Variants in ITIH2 observed in about 807,000 individuals in gnomAD.
ITIH2 encodes inter-alpha-trypsin inhibitor heavy chain 2.
In ITIH2, 103 loss-of-function variants were observed where a neutral mutation model predicts 104.4. That is an observed-to-expected ratio of 0.99 (90% confidence interval 0.84 to 1.16). The LOEUF is 1.16. Among genes scored for constraint, ITIH2 ranks in the 50% most tolerant of loss-of-function variants. The probability of loss-of-function intolerance (pLI) is 0.00; values close to 1 mark genes in which losing one functional copy is unlikely to be tolerated. For synonymous variants in ITIH2, 436 were observed against 435.4 expected, an observed-to-expected ratio of 1.00 and a Z score of -0.02; for missense variants, 1,108 against 1,162.4, an observed-to-expected ratio of 0.95 and a Z score of 0.68.
At chr10:7,713,068 TG>T (rs1834812369) in intron 4 of ITIH2, 112 bp from the exon 5 acceptor site, 1 of 747,488 alleles carries the variant, frequency 1.3e-6, no homozygotes. Context: ...TGCACTGAAC[TG>T]AGATTGCACC....
intron 14 of ITIH2, among the ~76,000 whole-genome samples, chr10:7,734,519 A>G (rs1454465865): frequency 6.6e-6 from 1 of 152,190 alleles, no homozygotes; most frequent in Non-Finnish European, 1.5e-5. Flanking sequence ...ACATGGCAAA[A>G]GCCCATCTCT....
chr10:7,712,747 T>C (rs1293790455), intron 4 of ITIH2, among the ~76,000 whole-genome samples: 1 of 152,240 alleles, frequency 6.6e-6, no homozygotes, highest in Non-Finnish European at 1.5e-5. Context: ...TTATTTCTTA[T>C]AGACACAAAA....
Position 7,734,918 on chromosome 10 carries a change from A to G in ITIH2, c.1788-4A>G. ...TCCATAACACCTCTACTTCTTGAAT[A>G]CAGAAGCCTGGCTCCTACAGCTGCC... On this transcript the variant is annotated splice_region_variant and splice_polypyrimidine_tract_variant and intron_variant, in intron 14 of 20. Transcript: ENST00000358415. 1.2e-6 allele frequency: 2 copies of G among 1,608,882 alleles called. No homozygotes were observed. Among genetic ancestry groups the G allele is most frequent in the Non-Finnish European group, 1.7e-6 (2 of 1,178,946 alleles).
At chr10:7,708,322 A>G (rs1412399688) in intron 3 of ITIH2, among the ~76,000 whole-genome samples, 3 of 152,176 alleles carry the variant, frequency 2.0e-5, no homozygotes, top group Non-Finnish European at 2.9e-5. Context: ...CTTTGAGCAC[A>G]CTTACATATG....
In ITIH2 at chr10:7,724,431, G is replaced by A. The variant is rs376845861; in HGVS notation, c.984+864G>A. ...ACTAAAAATACAAAATTAGCCAGGC[G>A]TGGTGGTGCATGCCTGTAATCCCAG... On this transcript the variant is annotated intron_variant, in intron 9 of 20. Transcript: ENST00000358415. 5.2e-4 allele frequency among the ~76,000 whole-genome samples: 79 copies of A among 152,008 alleles called. No homozygotes were observed. In the East Asian group the frequency reaches 0.01, roughly 19 times the overall value.
At chr10:7,711,081 C>T (rs894323055) in intron 4 of ITIH2, among the ~76,000 whole-genome samples, 1 of 152,104 alleles carries the variant, frequency 6.6e-6, no homozygotes, top group Non-Finnish European at 1.5e-5. Flanking sequence ...TAATGCTCTC[C>T]CTCCCCTTGC....
chr10:7,728,429 G>A (rs1834970661), intron 11 of ITIH2, among the ~76,000 whole-genome samples: 1 of 152,022 alleles, frequency 6.6e-6, no homozygotes, highest in South Asian at 2.1e-4. Context: ...TCACCCAGGA[G>A]GGAGTGCAGT....
At chr10:7,718,853 C>T (rs1000625357) in intron 6 of ITIH2, among the ~76,000 whole-genome samples, 3 of 152,182 alleles carry the variant, frequency 2.0e-5, no homozygotes, top group African/African-American at 7.2e-5. Flanking sequence ...TCTTCCCTGC[C>T]ACCCCAGCCA....
intron 19 of ITIH2, among the ~76,000 whole-genome samples, chr10:7,745,983 A>G (rs1588462752): frequency 7.0e-6 from 1 of 142,684 alleles, no homozygotes. Flanking sequence ...CAAACTCCCA[A>G]CCTCAGGTGA....
At chr10:7,732,719 TTTTA>T (rs530908379) in intron 14 of ITIH2, among the ~76,000 whole-genome samples, 5 of 152,098 alleles carry the variant, frequency 3.3e-5, no homozygotes, top group African/African-American at 1.2e-4. Flanking sequence ...TTAATTTTTA[TTTTA>T]TTTATTTATT....
At position 7,748,929 on chromosome 10, in the gene ITIH2, T is replaced by C. The variant is rs117213805; in HGVS notation, c.2694-258T>C. Reference sequence around the variant, plus strand: ...CTGCCTTCTTTCCATTGGCTACTGTTTCCCTCGCTGGAAAAGCCCATATAG... The same window carrying C: ...CTGCCTTCTTTCCATTGGCTACTGTCTCCCTCGCTGGAAAAGCCCATATAG... On this transcript the variant is annotated intron_variant, in intron 20 of 20. Transcript: ENST00000358415. Among the ~76,000 whole-genome samples the C allele has an allele frequency of 7.9e-4, 120 of 152,196 alleles. 1 individual carries two copies. The East Asian group carries it at 0.018, about 23-fold the overall frequency.
chr10:7,734,123 C>T (rs1337046101), intron 14 of ITIH2, among the ~76,000 whole-genome samples: 5 of 152,102 alleles, frequency 3.3e-5, no homozygotes, highest in African/African-American at 1.2e-4. Context: ...CTATATGATA[C>T]TCCAATGGTG....
At chr10:7,723,237 G>T (rs1234281026) in intron 8 of ITIH2, among the ~76,000 whole-genome samples, 1 of 151,968 alleles carries the variant, frequency 6.6e-6, no homozygotes, top group East Asian at 1.9e-4. Flanking sequence ...AAGCAGCGTG[G>T]AGTGGAGTGG....
At chr10:7,703,993 C>G (rs935844929) in intron 1 of ITIH2, among the ~76,000 whole-genome samples, 2 of 152,196 alleles carry the variant, frequency 1.3e-5, no homozygotes, top group African/African-American at 2.4e-5. Flanking sequence ...TCTAAGTGAA[C>G]AGTGATATTT....
rs1346853621 is a variant in ITIH2, at chr10:7,744,521, A to G, written c.2408+241A>G. ...TGGCATCAGTAAACACTCACTGTGT[A>G]TGTGCTAATCAGTGAACAAATCCAC... On this transcript the variant is annotated intron_variant, in intron 18 of 20. Coordinates refer to ENST00000358415, the MANE Select transcript of ITIH2 (RefSeq NM_002216.3). Among the ~76,000 whole-genome samples the G allele has an allele frequency of 9.5e-4, 145 of 152,210 alleles. 1 individual carries two copies. The highest frequency in any genetic ancestry group is 1.6e-4 in the Non-Finnish European group (11 of 68,034).
chr10:7,744,827 T>C lies in ITIH2; in HGVS notation c.2445T>C (p.Thr815=). The C allele has an allele frequency of 1.9e-6, 3 of 1,614,110 alleles. No individual in the cohort carries two copies. The highest frequency in any genetic ancestry group is 2.5e-6 in the Non-Finnish European group (3 of 1,179,984). Residue 815 remains threonine (T), a synonymous_variant, in exon 19 of 21, where the codon ACT becomes ACC. Coordinates refer to ENST00000358415, the MANE Select transcript of ITIH2 (RefSeq NM_002216.3). ...CAGTGAAGAAAGAAAAAGTGGTAACTATCACCCTGGATAAAGAGATGTCCT... is the reference window on the plus strand; with the variant it reads ...CAGTGAAGAAAGAAAAAGTGGTAACCATCACCCTGGATAAAGAGATGTCCT... ...QISVKKEKVV[T]ITLDKEMSFS...
rs1439887404 is a variant in ITIH2, at chr10:7,743,179, CA to C, written c.2134del (p.Ser712AlafsTer28). The C allele has an allele frequency of 1.3e-6, 2 of 1,584,296 alleles. No homozygotes were observed. The highest frequency in any genetic ancestry group is 1.8e-5 in the Admixed American group (1 of 55,482). On this transcript the variant is annotated frameshift_variant, in exon 17 of 21. Coordinates refer to ENST00000358415, the MANE Select transcript of ITIH2 (RefSeq NM_002216.3). LOFTEE classifies it high-confidence loss of function. ...ENDPHFIIYL[P>X]KSQKNICFNI... ...GACCCACATTTCATCATTTATCTACCAAAAAGCCAAAAGAACATTTGTTTCA... is the reference window on the plus strand; with the variant it reads ...GACCCACATTTCATCATTTATCTACCAAAAGCCAAAAGAACATTTGTTTCA...
At position 7,707,220 on chromosome 10, in the gene ITIH2, C is replaced by T. The variant is rs73621253; in HGVS notation, c.179C>T (p.Ser60Leu). ...RRYQRSLPGESEEMMEEVDQV... is the reference protein window; with the variant it reads ...RRYQRSLPGELEEMMEEVDQV... ...TCACAGAGAAGCCTTCCAGGAGAAT[C>T]GGAAGAAATGATGGTAAGTTGACTT... The change falls in exon 3 of 21, where the codon TCG (serine) becomes TTG (leucine). Residue 60 changes from serine (S) to leucine (L), a missense_variant. Physicochemically the swap from Ser to Leu is moderately radical, Grantham distance 145. Coordinates refer to ENST00000358415, the MANE Select transcript of ITIH2 (RefSeq NM_002216.3). The T allele has an allele frequency of 0.065, 103,350 of 1,597,522 alleles. 3,724 individuals carry two copies. The highest frequency in any genetic ancestry group is 0.11 in the Admixed American group (6,321 of 59,444).
intron 4 of ITIH2, among the ~76,000 whole-genome samples, 165 bp from the exon 5 acceptor site, chr10:7,713,016 G>T (rs927854294): frequency 5.9e-5 from 9 of 152,032 alleles, no homozygotes; most frequent in Non-Finnish European, 1.2e-4. Context: ...GCTACTCAGG[G>T]GGCTGAAGCA....
Sources: allele counts gnomAD v4.1 joint callset (sites outside exome capture counted in the v4.1 genomes callset), GRCh38; gene constraint gnomAD v4.1.1; transcripts MANE v1.5; gene names NCBI Gene and HGNC (gene_info 2026-07-23, HGNC 2026-07-21).